Variants in OSBPL3 observed in about 807,000 individuals in gnomAD.
OSBPL3 encodes the protein oxysterol-binding protein-related protein 3.
A neutral mutation model predicts 120.1 loss-of-function variants in OSBPL3; 65 were observed. The observed-to-expected ratio is 0.54, with a 90% confidence interval of 0.44 to 0.67. The LOEUF (loss-of-function observed/expected upper bound fraction) is 0.67. Among genes scored for constraint, OSBPL3 ranks in the 30% least tolerant of loss-of-function variants. The probability of loss-of-function intolerance (pLI) is 0.00; values close to 1 mark genes in which losing one functional copy is unlikely to be tolerated. For synonymous variants in OSBPL3, 416 were observed against 402.6 expected, an observed-to-expected ratio of 1.03 and a Z score of -0.40; for missense variants, 1,004 against 1,082.1, an observed-to-expected ratio of 0.93 and a Z score of 1.01.
intron 4 of OSBPL3, 146 bp from the exon 5 acceptor site, chr7:24,870,991 C>T (rs1802029808): frequency 7.7e-6 from 5 of 645,238 alleles, no homozygotes; most frequent in East Asian, 2.8e-5. Context: ...TGCTGAGTTA[C>T]GTGCTGGACA....
chr7:24,861,753 G>A lies in OSBPL3; in HGVS notation c.887C>T (p.Ser296Phe), dbSNP rs1332054696. The change falls in exon 10 of 23, where the codon TCT becomes TTT. Residue 296 changes from serine to phenylalanine, a missense_variant. This residue lies in a region of OSBPL3 where 272 missense variants were observed against 248.8 expected (regional missense o/e 1.09). Coordinates refer to ENST00000313367, the MANE Select transcript of OSBPL3 (RefSeq NM_015550.4). ...KGTLQVPKPF[S>F]GPVRLHSSNP... is the part of the protein sequence containing the mutation. ...GGAGGAGTGTAGTCTTACTGGGCCA[G>A]AAAAAGGTTTCGGGACCTGAAGTAA... 1 of 1,593,822 alleles carries A rather than the reference G, an allele frequency of 6.3e-7. No homozygotes were observed. The highest frequency in any genetic ancestry group is 1.4e-5 in the African/African-American group (1 of 73,732).
Position 24,918,241 on chromosome 7 carries a change from G to A in OSBPL3, c.-149-25620C>T. On this transcript the variant is annotated intron_variant, in intron 1 of 22. Transcript: ENST00000313367. This position sits in a 1 kb window ranked among gnomAD's most constrained non-coding sequence, Gnocchi z 4.3. ...AACACCATAGCAATGTTCAGAAGCT[G>A]GCAGTGTGCTTTCCTACTTGACCCT... The A allele has an allele frequency of 5.6e-6, 1 of 178,474 alleles. No homozygotes were observed. Among genetic ancestry groups the A allele is most frequent in the Non-Finnish European group, 1.1e-5 (1 of 92,044 alleles). The allele number at this position is 178,474 out of a possible 1,614,324, so 11.1% of individuals were successfully genotyped here.
chr7:24,954,090 C>T (rs1437557331), intron 1 of OSBPL3, among the ~76,000 whole-genome samples: 1 of 152,142 alleles, frequency 6.6e-6, no homozygotes, highest in East Asian at 1.9e-4. Flanking sequence ...CTACTTTCTC[C>T]CAAAACTATC....
In OSBPL3 at chr7:24,979,922, C is replaced by G. The variant is rs1469422350; in HGVS notation, c.-186G>C. ...GCAGCCGGAGACGCTCCCTAGTTCCCCGGGGCCGGGCTCCGGGGTTAGCGC... is the reference window on the plus strand; with the variant it reads ...GCAGCCGGAGACGCTCCCTAGTTCCGCGGGGCCGGGCTCCGGGGTTAGCGC... On this transcript the variant is annotated 5_prime_UTR_variant, in exon 1 of 23. Coordinates refer to ENST00000313367, the MANE Select transcript of OSBPL3 (RefSeq NM_015550.4). 5 of 985,170 alleles carry G rather than the reference C, an allele frequency of 5.1e-6. No homozygotes were observed. Among genetic ancestry groups the G allele is most frequent in the African/African-American group, 1.7e-5 (1 of 57,334 alleles). 61.0% of individuals were successfully genotyped at this position (985,170 alleles called of 1,614,324 possible).
intron 16 of OSBPL3, among the ~76,000 whole-genome samples, chr7:24,823,093 G>A (rs1256527979): frequency 2.0e-5 from 3 of 152,200 alleles, no homozygotes; most frequent in African/African-American, 2.4e-5. Context: ...ACTAGTGTCC[G>A]GGAACGAGGG....
In OSBPL3 at chr7:24,863,384, T is replaced by G. The variant is rs1800851878; in HGVS notation, c.778-92A>C. ...TAGCAAAGTGACCACCTCCATCCCC[T>G]TGACTTTGGCTGAAGCAACTGACCA... is the stretch of plus-strand genomic sequence containing the variant. On this transcript the variant is annotated intron_variant, in intron 8 of 22. Transcript: ENST00000313367. The surrounding 1 kb of genome is among the most constrained non-coding windows in gnomAD (Gnocchi z 5.8). The G allele has an allele frequency of 7.2e-7, 1 of 1,397,662 alleles. No individual in the cohort carries two copies. 86.6% of individuals were successfully genotyped at this position (1,397,662 alleles called of 1,614,324 possible).
rs757005467 is a variant in OSBPL3, at chr7:24,834,751, G to A, written c.1496-15C>T. On this transcript the variant is annotated splice_polypyrimidine_tract_variant and intron_variant, in intron 14 of 22. Transcript: ENST00000313367. The surrounding 1 kb of genome is among the most constrained non-coding windows in gnomAD (Gnocchi z 5.2). ...AAGGACAGGCCCTGAAAGGGAAAGA[G>A]GCCTGGTTGTCTCTATAAAGCTTTT... 3 of 1,576,910 alleles carry A rather than the reference G, an allele frequency of 1.9e-6. No individual in the cohort carries two copies. In the South Asian group the frequency reaches 3.5e-5, roughly 18 times the overall value.
intron 1 of OSBPL3, among the ~76,000 whole-genome samples, chr7:24,901,237 G>C (rs1174280914): frequency 6.6e-6 from 1 of 152,042 alleles, no homozygotes; most frequent in Non-Finnish European, 1.5e-5. Context: ...TGAGGCAGGA[G>C]AATTGCTTGA....
intron 10 of OSBPL3, among the ~76,000 whole-genome samples, chr7:24,853,756 C>A (rs752028573): frequency 2.0e-5 from 3 of 152,002 alleles, no homozygotes; most frequent in Admixed American, 6.6e-5. Context: ...AAAGTGAAAG[C>A]GTGTGTGTGT....
At chr7:24,811,732 C>G (rs1252703266) in intron 19 of OSBPL3, among the ~76,000 whole-genome samples, 1 of 152,194 alleles carries the variant, frequency 6.6e-6, no homozygotes, top group Admixed American at 6.5e-5. Flanking sequence ...TCCAGGTTTT[C>G]CAACACCATT....
intron 2 of OSBPL3, among the ~76,000 whole-genome samples, chr7:24,880,007 C>A (rs1002223709): frequency 6.6e-6 from 1 of 152,160 alleles, no homozygotes; most frequent in East Asian, 1.9e-4. Flanking sequence ...TAAGCAGGGT[C>A]TCTTAGACTA....
rs1048618170 is a variant in OSBPL3, at chr7:24,940,935, C to T, written c.-150+38951G>A. On this transcript the variant is annotated intron_variant, in intron 1 of 22. Coordinates refer to ENST00000313367, the MANE Select transcript of OSBPL3 (RefSeq NM_015550.4). The surrounding 1 kb of genome is among the most constrained non-coding windows in gnomAD (Gnocchi z 4.4). ...CCCGGGTTCAAGCCATTCTCCTGCC[C>T]CAGCCTCCCAAGTAGCTGGGACTAC... 1.8e-4 allele frequency among the ~76,000 whole-genome samples: 27 copies of T among 151,812 alleles called. No individual in the cohort carries two copies. The highest frequency in any genetic ancestry group is 1.0e-4 in the Non-Finnish European group (7 of 67,926).
In OSBPL3 at chr7:24,964,782, G is replaced by A. The variant is rs1167478176; in HGVS notation, c.-150+15104C>T. Among the ~76,000 whole-genome samples, 1 of 152,194 alleles carries A rather than the reference G, an allele frequency of 6.6e-6. No homozygotes were observed. Among genetic ancestry groups the A allele is most frequent in the Non-Finnish European group, 1.5e-5 (1 of 68,036 alleles). ...ATTGACAATGGGAAAACCACTTGGGGCATATGGGAATTTTTTGTACTATCT... is the reference window on the plus strand; with the variant it reads ...ATTGACAATGGGAAAACCACTTGGGACATATGGGAATTTTTTGTACTATCT... On this transcript the variant is annotated intron_variant, in intron 1 of 22. Coordinates refer to ENST00000313367, the MANE Select transcript of OSBPL3 (RefSeq NM_015550.4). This position sits in a 1 kb window ranked among gnomAD's most constrained non-coding sequence, Gnocchi z 4.2.
rs796882703 is a variant in OSBPL3, at chr7:24,796,894, G to C, written c.*3289C>G. The C allele has an allele frequency of 2.0e-5, 3 of 152,186 alleles. No homozygotes were observed. Among genetic ancestry groups the C allele is most frequent in the South Asian group, 2.1e-4 (1 of 4,834 alleles). 9.4% of individuals were successfully genotyped at this position (152,186 alleles called of 1,614,324 possible). Reference sequence around the variant, plus strand: ...GATTAGTACAATGCAGAGGAAAATAGAGCAAATGAAAATAGCTATCATCTG... The same window carrying C: ...GATTAGTACAATGCAGAGGAAAATACAGCAAATGAAAATAGCTATCATCTG... On this transcript the variant is annotated 3_prime_UTR_variant, in exon 23 of 23. Transcript: ENST00000313367. The surrounding 1 kb of genome is among the most constrained non-coding windows in gnomAD (Gnocchi z 5.2).
In OSBPL3 at chr7:24,816,596, G is replaced by A; in HGVS notation, c.2027+14C>T. 6.3e-7 allele frequency: 1 copy of A among 1,588,156 alleles called. No individual in the cohort carries two copies. The highest frequency in any genetic ancestry group is 2.2e-5 in the East Asian group (1 of 44,732). On this transcript the variant is annotated intron_variant, in intron 18 of 22. Coordinates refer to ENST00000313367, the MANE Select transcript of OSBPL3 (RefSeq NM_015550.4). ...AATTCCATAAAGCTCCTTAACCACA[G>A]AAGAAGAACTTACACTGGCAGAGTC...
At position 24,826,714 on chromosome 7, in the gene OSBPL3, C is replaced by T. The variant is rs186417456; in HGVS notation, c.1884+4054G>A. On this transcript the variant is annotated intron_variant, in intron 16 of 22. Transcript: ENST00000313367. ...CAAGTAAGATCATGAATGCACGGAG[C>T]ACTCTACAAATCTAATACTTGTTCT... Among the ~76,000 whole-genome samples the T allele has an allele frequency of 3.2e-3, 493 of 152,292 alleles. 5 individuals are homozygous for T. Among genetic ancestry groups the T allele is most frequent in the Admixed American group, 8.9e-3 (136 of 15,292 alleles).
intron 14 of OSBPL3, 78 bp downstream of exon 14, chr7:24,840,612 T>C (rs1042375344): frequency 3.3e-6 from 2 of 606,684 alleles, no homozygotes; most frequent in Admixed American, 3.5e-5. Flanking sequence ...CCCCATATTG[T>C]TCAAGAGTCA....
At chr7:24,975,398 T>C (rs1458568938) in intron 1 of OSBPL3, among the ~76,000 whole-genome samples, 1 of 152,266 alleles carries the variant, frequency 6.6e-6, no homozygotes, top group African/African-American at 2.4e-5. Flanking sequence ...TGATGGCATA[T>C]TCGTTGTTTC....
chr7:24,832,313 C>T (rs766031900), intron 15 of OSBPL3, among the ~76,000 whole-genome samples: 32 of 151,248 alleles, frequency 2.1e-4, no homozygotes, highest in Admixed American at 1.1e-3. Flanking sequence ...AGTTCGAGAC[C>T]AGCCTGATCA....
Sources: gnomAD v4.1 joint callset for allele counts (sites outside exome capture counted in the v4.1 genomes callset) on GRCh38, gnomAD v4.1.1 for gene constraint, gnomAD v4.1.1 regional missense constraint, Gnocchi (gnomAD v3.1) non-coding constraint, MANE v1.5 for transcripts, NCBI Gene and HGNC (gene_info 2026-07-23, HGNC 2026-07-21) for gene names.